Variants in RARB observed in about 807,000 individuals in gnomAD.
The protein encoded by RARB is retinoic acid receptor beta.
RARB carries 17 observed loss-of-function variants against 51.9 expected under a neutral mutation model. That is an observed-to-expected ratio of 0.33 (90% CI 0.22 to 0.49). The LOEUF is 0.49. Ranked by LOEUF, RARB falls within the 20% of genes least tolerant of loss-of-function variation. The probability of loss-of-function intolerance (pLI) is 0.99; values close to 1 mark genes in which losing one functional copy is unlikely to be tolerated. For missense variants in RARB, 369 were observed against 550.8 expected, an observed-to-expected ratio of 0.67 and a Z score of 3.30; for synonymous variants, 215 against 195.4, an observed-to-expected ratio of 1.10 and a Z score of -0.84.
chr3:25,450,673 T>C (rs1253448433), intron 1 of RARB, among the ~76,000 whole-genome samples: 1 of 152,140 alleles, frequency 6.6e-6, no homozygotes, highest in Non-Finnish European at 1.5e-5. Flanking sequence ...TTGTGAGATG[T>C]TTTGTAGCAT....
chr3:24,873,292 A>G (rs1397774461), intron 2 of RARB, among the ~76,000 whole-genome samples: 1 of 152,108 alleles, frequency 6.6e-6, no homozygotes, highest in African/African-American at 2.4e-5. Context: ...CCTTTCATTA[A>G]TGGTTATATG....
chr3:24,939,210 C>T (rs1695608126), intron 2 of RARB, among the ~76,000 whole-genome samples: 1 of 152,150 alleles, frequency 6.6e-6, no homozygotes, highest in Admixed American at 6.5e-5. Context: ...TCTCAAACTC[C>T]TGACCTCAAG....
intron 5 of RARB, among the ~76,000 whole-genome samples, chr3:25,331,226 A>T (rs935439301): frequency 2.6e-5 from 4 of 152,160 alleles, no homozygotes; most frequent in Non-Finnish European, 4.4e-5. Context: ...ATATACATTC[A>T]TCTCAGCACC....
chr3:24,902,536 G>T (rs566166582), intron 2 of RARB, among the ~76,000 whole-genome samples: 5 of 152,246 alleles, frequency 3.3e-5, no homozygotes, highest in African/African-American at 9.6e-5. Context: ...ATAAAAACGG[G>T]TAATTTGGTC....
At chr3:25,221,338 G>A (rs1174563285) in intron 5 of RARB, among the ~76,000 whole-genome samples, 1 of 152,024 alleles carries the variant, frequency 6.6e-6, no homozygotes, top group East Asian at 1.9e-4. Context: ...TCATAACTGA[G>A]TGCTACTAAG....
intron 2 of RARB, among the ~76,000 whole-genome samples, chr3:24,981,365 C>A (rs1696667906): frequency 6.6e-6 from 1 of 152,134 alleles, no homozygotes; most frequent in African/African-American, 2.4e-5. Flanking sequence ...TTAGTTATGC[C>A]CTGACCCCAG....
chr3:24,887,468 C>T (rs1032204957), intron 2 of RARB, among the ~76,000 whole-genome samples: 1 of 152,098 alleles, frequency 6.6e-6, no homozygotes, highest in Admixed American at 6.6e-5. Context: ...ATTGAGTGTA[C>T]CTTCTTTGAA....
chr3:25,515,892 G>A (rs543415825), intron 3 of RARB, among the ~76,000 whole-genome samples: 2 of 152,304 alleles, frequency 1.3e-5, no homozygotes, highest in South Asian at 2.1e-4. Context: ...AAAATATGGA[G>A]TAGTGGAACG....
intron 5 of RARB, among the ~76,000 whole-genome samples, chr3:25,197,517 T>A (rs1030474641): frequency 2.0e-5 from 3 of 151,978 alleles, no homozygotes; most frequent in South Asian, 2.1e-4. Context: ...TGTTTCCAGA[T>A]GACATCATCT....
In RARB at chr3:24,958,257, T is replaced by TTTGTTTTG. The variant is rs1559411489; in HGVS notation, c.-380+99507_-380+99508insGTTTTGTT. On this transcript the variant is annotated intron_variant, in intron 2 of 11. Transcript: ENST00000383772. Reference sequence around the variant, plus strand: ...CTGAAGCTTCCTGAGCTGCTCAGGTTTTTTTTTTTTTTTTTTTTTTTTTTT... The same window carrying TTTGTTTTG: ...CTGAAGCTTCCTGAGCTGCTCAGGTTTTGTTTTGTTTTTTTTTTTTTTTTTTTTTTTTT... Among the ~76,000 whole-genome samples, 55 of 63,104 alleles carry TTTGTTTTG rather than the reference T, an allele frequency of 8.7e-4. 2 individuals are homozygous for TTTGTTTTG. The highest frequency in any genetic ancestry group is 1.2e-3 in the Non-Finnish European group (43 of 36,964). 41.4% of individuals were successfully genotyped at this position (63,104 alleles called of 152,430 possible).
At chr3:25,297,500 AGATGTAAC>A (rs1175289369) in intron 5 of RARB, among the ~76,000 whole-genome samples, 1 of 146,236 alleles carries the variant, frequency 6.8e-6, no homozygotes, top group African/African-American at 2.6e-5. Flanking sequence ...TCCTCCACAG[AGATGTAAC>A]ATTATATGAA....
At chr3:24,915,683 G>T (rs1044949586) in intron 2 of RARB, among the ~76,000 whole-genome samples, 6 of 152,200 alleles carry the variant, frequency 3.9e-5, no homozygotes, top group Non-Finnish European at 8.8e-5. Flanking sequence ...TGTGGGTGTT[G>T]TATGTGACTT....
At chr3:24,842,485 C>T (rs896573492) in intron 1 of RARB, among the ~76,000 whole-genome samples, 6 of 152,020 alleles carry the variant, frequency 3.9e-5, no homozygotes, top group Admixed American at 2.6e-4. Context: ...CACAAGACTC[C>T]CTTGGCCAAT....
intron 2 of RARB, among the ~76,000 whole-genome samples, chr3:24,987,264 T>G (rs955859576): frequency 1.3e-5 from 2 of 152,122 alleles, no homozygotes; most frequent in Non-Finnish European, 2.9e-5. Context: ...TTTTATTCCT[T>G]CTCCTCCACT....
At chr3:25,580,862 TG>T in intron 5 of RARB, 140 bp downstream of exon 5, 9 of 896,440 alleles carry the variant, frequency 1.0e-5, no homozygotes, top group African/African-American at 1.7e-5. Flanking sequence ...ACTTAGTAGG[TG>T]GACTCACCTA....
At chr3:25,210,755 G>T (rs189295599) in intron 5 of RARB, among the ~76,000 whole-genome samples, 1 of 151,524 alleles carries the variant, frequency 6.6e-6, no homozygotes, top group South Asian at 2.1e-4. Context: ...TGCTGGTCTC[G>T]AACTCCTGAC....
intron 4 of RARB, among the ~76,000 whole-genome samples, chr3:25,152,726 C>G (rs1160213366): frequency 6.6e-6 from 1 of 152,074 alleles, no homozygotes; most frequent in African/African-American, 2.4e-5. Flanking sequence ...TACATAGTTC[C>G]TATATTTTGG....
chr3:25,049,466 T>C (rs531555440), intron 2 of RARB, among the ~76,000 whole-genome samples: 2 of 152,356 alleles, frequency 1.3e-5, no homozygotes, highest in East Asian at 1.9e-4. Flanking sequence ...TCACTTTGAC[T>C]ATTCTTTTTC....
chr3:25,176,024 A>G (rs1700736929), intron 5 of RARB, among the ~76,000 whole-genome samples: 1 of 152,202 alleles, frequency 6.6e-6, no homozygotes, highest in African/African-American at 2.4e-5. Flanking sequence ...AATGATTGAT[A>G]AAGCCATTAA....
Sources: allele counts gnomAD v4.1 joint callset (sites outside exome capture counted in the v4.1 genomes callset), GRCh38; gene constraint gnomAD v4.1.1; transcripts MANE v1.5; gene names NCBI Gene and HGNC (gene_info 2026-07-23, HGNC 2026-07-21).